Variants in CREBZF observed in about 807,000 individuals in gnomAD.
CREBZF encodes HCF-binding transcription factor Zhangfei.
Under a neutral mutation model 21.1 loss-of-function variants are expected in CREBZF, and 8 were observed. That is an observed-to-expected ratio of 0.38 (90% CI 0.22 to 0.68). The LOEUF (loss-of-function observed/expected upper bound fraction) is 0.68. Among genes scored for constraint, CREBZF ranks in the 30% least tolerant of loss-of-function variants. The pLI, the probability that CREBZF is intolerant of heterozygous loss-of-function variation, is 0.51. For missense variants in CREBZF, 518 were observed against 484.3 expected (o/e 1.07, Z -0.65); for synonymous variants, 270 against 223.3 (o/e 1.21, Z -1.86).
rs192464519 is a variant in CREBZF at position 85,658,229 on chromosome 11, A to G, written c.*5582T>C. Among the ~76,000 whole-genome samples the G allele has an allele frequency of 1.6e-4, 24 of 152,096 alleles. 1 individual carries two copies. Among genetic ancestry groups the G allele is most frequent in the South Asian group, 1.2e-3 (6 of 4,818 alleles). ...ATCAACTTAGATAATTCAAAGCCCA[A>G]TGATATAACTAAGTTCTTTGACGAT... is the stretch of plus-strand genomic sequence containing the variant. On this transcript the variant is annotated 3_prime_UTR_variant, in exon 1 of 1. Coordinates refer to ENST00000527447, the MANE Select transcript of CREBZF (RefSeq NM_001039618.4).
In CREBZF at chr11:85,660,516, G is replaced by A; in HGVS notation, c.*3295C>T. The A allele has an allele frequency of 2.4e-6, 1 of 423,574 alleles. No homozygotes were observed. The highest frequency in any genetic ancestry group is 1.7e-5 in the South Asian group (1 of 58,242). The allele number at this position is 423,574 out of a possible 1,614,324, so 26.2% of individuals were successfully genotyped here. The stretch of plus-strand genomic sequence containing the variant: ...AGATGCCAAATTTTTGACCGACATG[G>A]TTCTCACAATTACTTTGTTACCAAC... On this transcript the variant is annotated 3_prime_UTR_variant, in exon 1 of 1. Coordinates refer to ENST00000527447, the MANE Select transcript of CREBZF (RefSeq NM_001039618.4).
upstream of CREBZF, among the ~76,000 whole-genome samples, chr11:85,669,367 G>C (rs1342031988): frequency 1.3e-5 from 2 of 151,310 alleles, no homozygotes; most frequent in Non-Finnish European, 2.9e-5. Flanking sequence ...AGAATTGCAA[G>C]ACCAAAGCAA....
chr11:85,667,855 A>G (rs1318179542), upstream of CREBZF, among the ~76,000 whole-genome samples: 6 of 152,304 alleles, frequency 3.9e-5, no homozygotes, highest in African/African-American at 1.2e-4. Flanking sequence ...CTGTAATCCC[A>G]GCTACTTGGG....
upstream of CREBZF, among the ~76,000 whole-genome samples, chr11:85,669,295 C>T (rs532170451): frequency 6.6e-6 from 1 of 152,098 alleles, no homozygotes; most frequent in African/African-American, 2.4e-5. Flanking sequence ...TTCAGCTTCT[C>T]ATAGCTAAAT....
At chr11:85,671,626 GC>G (rs1349750907) in intron 1 of CREBZF, among the ~76,000 whole-genome samples, 1 of 152,206 alleles carries the variant, frequency 6.6e-6, no homozygotes, top group African/African-American at 2.4e-5. Flanking sequence ...AAACAAAGGG[GC>G]TACAGGCCCC....
Position 85,663,530 on chromosome 11 carries a change from G to T in CREBZF, c.*281C>A. ...GGAAGAGATGGATCCTTACCAGGTTGTGAGGCGGGAACGACTGTTCTGTAA... is the reference window on the plus strand; with the variant it reads ...GGAAGAGATGGATCCTTACCAGGTTTTGAGGCGGGAACGACTGTTCTGTAA... On this transcript the variant is annotated 3_prime_UTR_variant, in exon 1 of 1. Transcript: ENST00000527447. The T allele has an allele frequency of 8.7e-7, 1 of 1,150,632 alleles. No individual in the cohort carries two copies. The highest frequency in any genetic ancestry group is 1.3e-6 in the Non-Finnish European group (1 of 781,788). 71.3% of individuals were successfully genotyped at this position (1,150,632 alleles called of 1,614,324 possible).
chr11:85,659,605 C>CAGCT lies in CREBZF; in HGVS notation c.*4202_*4205dup, dbSNP rs2082617993. The CAGCT allele has an allele frequency of 6.6e-6, 1 of 152,052 alleles. No homozygotes were observed. The highest frequency in any genetic ancestry group is 2.4e-5 in the African/African-American group (1 of 41,434). 9.4% of individuals were successfully genotyped at this position (152,052 alleles called of 1,614,324 possible). A position where few individuals can be genotyped will look rare whatever the true frequency, so the allele number is the denominator to read the frequency against. ...ATCTCCTACCCAATCCCTCTTCTATCAGCTGCACATTTCCAAGTAAGTGAG... is the reference window on the plus strand; with the variant it reads ...ATCTCCTACCCAATCCCTCTTCTATCAGCTAGCTGCACATTTCCAAGTAAGTGAG... On this transcript the variant is annotated 3_prime_UTR_variant, in exon 1 of 1. Transcript: ENST00000527447.
Position 85,661,274 on chromosome 11 carries a change from A to C in CREBZF, c.*2537T>G, listed in dbSNP as rs1427356176. On this transcript the variant is annotated 3_prime_UTR_variant, in exon 1 of 1. Coordinates refer to ENST00000527447, the MANE Select transcript of CREBZF (RefSeq NM_001039618.4). ...TACATGCAATTACCATGTAAAAACA[A>C]GACCATGAAGTTGATGTAAAAAATG... The C allele has an allele frequency of 6.6e-6, 1 of 152,522 alleles. No homozygotes were observed. The highest frequency in any genetic ancestry group is 1.9e-4 in the East Asian group (1 of 5,204). The allele number at this position is 152,522 out of a possible 1,614,324, so 9.4% of individuals were successfully genotyped here. A position where few individuals can be genotyped will look rare whatever the true frequency, so the allele number is the denominator to read the frequency against.
At position 85,664,968 on chromosome 11, in the gene CREBZF, G is replaced by A. The variant is rs1369744921; in HGVS notation, c.-93C>T. On this transcript the variant is annotated 5_prime_UTR_variant, in exon 1 of 1. Coordinates refer to ENST00000527447, the MANE Select transcript of CREBZF (RefSeq NM_001039618.4). This position sits in a 1 kb window ranked among gnomAD's most constrained non-coding sequence, Gnocchi z 5.5. ...CAGGCCCCAGGGCGGGTAGCCCCCG[G>A]CACTGGCCGAAACGAAATGCAGGGA... 3 of 885,502 alleles carry A rather than the reference G, an allele frequency of 3.4e-6. No individual in the cohort carries two copies. The highest frequency in any genetic ancestry group is 6.3e-5 in the East Asian group (2 of 31,934). The allele number at this position is 885,502 out of a possible 1,614,324, so 54.9% of individuals were successfully genotyped here.
At chr11:85,669,027 A>C (rs1479232374), upstream of CREBZF, among the ~76,000 whole-genome samples, 2 of 141,968 alleles carry the variant, frequency 1.4e-5, no homozygotes, top group African/African-American at 5.3e-5. Flanking sequence ...AAAAAAAAAA[A>C]AAAAAAAAAA....
At chr11:85,670,555 G>C (rs2082905276) in intron 1 of CREBZF, among the ~76,000 whole-genome samples, 1 of 152,044 alleles carries the variant, frequency 6.6e-6, no homozygotes, top group Admixed American at 6.6e-5. Context: ...ACCCGCCTCG[G>C]CCTTCCAAAG....
At position 85,661,213 on chromosome 11, in the gene CREBZF, A is replaced by C. The variant is rs2082667990; in HGVS notation, c.*2598T>G. On this transcript the variant is annotated 3_prime_UTR_variant, in exon 1 of 1. Coordinates refer to ENST00000527447, the MANE Select transcript of CREBZF (RefSeq NM_001039618.4). ...AATGTGCTTACACATAAATATGACCAAATTTATTTAAAGCCCCTATTAGAT... is the reference window on the plus strand; with the variant it reads ...AATGTGCTTACACATAAATATGACCCAATTTATTTAAAGCCCCTATTAGAT... 1 of 152,550 alleles carries C rather than the reference A, an allele frequency of 6.6e-6. No homozygotes were observed. The highest frequency in any genetic ancestry group is 2.4e-5 in the African/African-American group (1 of 41,444). 9.4% of individuals were successfully genotyped at this position (152,550 alleles called of 1,614,324 possible).
Position 85,664,161 on chromosome 11 carries a change from G to A in CREBZF, c.715C>T (p.Leu239=), listed in dbSNP as rs1412274605. ...CGCAGCTCCTGGTTCTCGGCTGCCA[G>A]ACCCCGGACTCGACTCTCCAGCCCC... The part of the protein sequence containing the change: ...VMGLESRVRG[L]AAENQELRAE... Residue 239 remains leucine (L), a synonymous_variant, in exon 1 of 1, where the codon CTG becomes TTG. Transcript: ENST00000527447. The surrounding 1 kb of genome is among the most constrained non-coding windows in gnomAD (Gnocchi z 5.5). 11 of 1,613,506 alleles carry A rather than the reference G, an allele frequency of 6.8e-6. No individual in the cohort carries two copies. The highest frequency in any genetic ancestry group is 3.3e-5 in the Admixed American group (2 of 60,030).
At position 85,663,741 on chromosome 11, in the gene CREBZF, T is replaced by A. The variant is rs2082756398; in HGVS notation, c.*70A>T. The stretch of plus-strand genomic sequence containing the variant: ...AATGTGTCCGGTGAAGATGTCCCAC[T>A]AAGGTAAGTTTGACATGGTGTAAGG... On this transcript the variant is annotated 3_prime_UTR_variant, in exon 1 of 1. Coordinates refer to ENST00000527447, the MANE Select transcript of CREBZF (RefSeq NM_001039618.4). The A allele has an allele frequency of 1.9e-6, 3 of 1,588,722 alleles. No individual in the cohort carries two copies. The African/African-American group carries it at 4.0e-5, about 21-fold the overall frequency.
At chr11:85,674,327 GTAAC>G (rs1314428514) in intron 1 of CREBZF, among the ~76,000 whole-genome samples, 1 of 152,182 alleles carries the variant, frequency 6.6e-6, no homozygotes. Flanking sequence ...CAGCTCTTGA[GTAAC>G]TAACTGCATT....
chr11:85,662,071 C>T lies in CREBZF; in HGVS notation c.*1740G>A. ...TGCCCTTAGGTATAAGCAGGTTCAT[C>T]ACTCCAATTTGTGAGTTTGGCTACT... On this transcript the variant is annotated 3_prime_UTR_variant, in exon 1 of 1. Transcript: ENST00000527447. 4.2e-6 allele frequency: 1 copy of T among 236,572 alleles called. No individual in the cohort carries two copies. The highest frequency in any genetic ancestry group is 8.8e-6 in the Non-Finnish European group (1 of 113,202). 14.7% of individuals were successfully genotyped at this position (236,572 alleles called of 1,614,324 possible).
chr11:85,667,785 C>T (rs549283277), upstream of CREBZF, among the ~76,000 whole-genome samples: 11 of 152,132 alleles, frequency 7.2e-5, no homozygotes, highest in African/African-American at 2.4e-4. Context: ...TGGTGAAACC[C>T]CATCTCTATT....
upstream of CREBZF, among the ~76,000 whole-genome samples, chr11:85,669,002 A>C (rs1425438309): frequency 3.5e-5 from 1 of 28,840 alleles, no homozygotes; most frequent in Non-Finnish European, 5.4e-5. Context: ...ACTCCGTCTC[A>C]AAAAAAAAAA....
At chr11:85,669,112 G>A (rs141995480), upstream of CREBZF, among the ~76,000 whole-genome samples, 2,898 of 146,950 alleles carry the variant, frequency 0.02, 55 homozygotes, top group Admixed American at 0.037. Flanking sequence ...TAAATGACTT[G>A]CAGCATGTGT....
Sources: allele counts gnomAD v4.1 joint callset (sites outside exome capture counted in the v4.1 genomes callset), GRCh38; gene constraint gnomAD v4.1.1; non-coding constraint Gnocchi (gnomAD v3.1); transcripts MANE v1.5; gene names NCBI Gene and HGNC (gene_info 2026-07-23, HGNC 2026-07-21).